LRP1B: variants seen among roughly 807,000 people sequenced by gnomAD.
The protein encoded by LRP1B is LDL receptor related protein 1B, also known as low-density lipoprotein receptor-related protein 1B.
A neutral mutation model predicts 556.6 loss-of-function variants in LRP1B; 217 were observed. The ratio of observed to expected loss-of-function variants is 0.39; its 90% confidence interval spans 0.35 to 0.44. The LOEUF (loss-of-function observed/expected upper bound fraction) is 0.44. LRP1B is among the 20% of genes least tolerant of loss of function. LRP1B has a pLI of 1.00. For synonymous variants in LRP1B, 2,047 were observed against 1,865.8 expected (o/e 1.10, Z -2.50); for missense variants, 5,053 against 5,620.8 (o/e 0.90, Z 3.23).
intron 1 of LRP1B, among the ~76,000 whole-genome samples, chr2:141,918,707 A>G (rs1470569480): frequency 6.6e-6 from 1 of 152,154 alleles, no homozygotes; most frequent in Non-Finnish European, 1.5e-5. Flanking sequence ...TAAAAGGGAA[A>G]GACATGTATT....
At chr2:141,473,872 A>G (rs923299676) in intron 3 of LRP1B, among the ~76,000 whole-genome samples, 7 of 152,158 alleles carry the variant, frequency 4.6e-5, no homozygotes, top group African/African-American at 1.7e-4. Context: ...CTGAAATTCC[A>G]CTCTATAGTA....
At chr2:141,956,809 G>A (rs1701266822) in intron 1 of LRP1B, among the ~76,000 whole-genome samples, 1 of 151,894 alleles carries the variant, frequency 6.6e-6, no homozygotes, top group Non-Finnish European at 1.5e-5. Flanking sequence ...AGTGAAAATA[G>A]GTCAGCCCTC....
intron 20 of LRP1B, among the ~76,000 whole-genome samples, chr2:140,936,181 A>G (rs1382138592): frequency 6.6e-6 from 1 of 151,696 alleles, no homozygotes; most frequent in Non-Finnish European, 1.5e-5. Flanking sequence ...CTCTACTAAA[A>G]ATACAAAATT....
intron 5 of LRP1B, among the ~76,000 whole-genome samples, chr2:141,244,349 C>T (rs1007578541): frequency 4.6e-5 from 7 of 152,160 alleles, no homozygotes; most frequent in African/African-American, 1.7e-4. Flanking sequence ...CTAGGCCATT[C>T]GGGCCTTCCC....
chr2:140,345,879 A>ATATATATATATATAT (rs1426120597), intron 77 of LRP1B, among the ~76,000 whole-genome samples: 2 of 137,430 alleles, frequency 1.5e-5, no homozygotes, highest in Non-Finnish European at 1.6e-5. Flanking sequence ...TATATATATA[A>ATATATATATATATAT]AAAAAATAGC....
At chr2:140,603,150 T>C (rs932125464) in intron 41 of LRP1B, among the ~76,000 whole-genome samples, 1 of 152,068 alleles carries the variant, frequency 6.6e-6, no homozygotes, top group Non-Finnish European at 1.5e-5. Flanking sequence ...TAATATACCA[T>C]AGATAGTCTC....
intron 3 of LRP1B, among the ~76,000 whole-genome samples, chr2:141,314,475 A>T (rs1260644559): frequency 6.6e-6 from 1 of 152,108 alleles, no homozygotes; most frequent in African/African-American, 2.4e-5. Flanking sequence ...TAAAGCAACT[A>T]AACTGAGATT....
chr2:142,088,974 C>CAAAAAAAAAAAA (rs1289382985), intron 1 of LRP1B, among the ~76,000 whole-genome samples: 1 of 39,718 alleles, frequency 2.5e-5, no homozygotes, highest in Non-Finnish European at 4.8e-5. Flanking sequence ...GGCTCCGTCT[C>CAAAAAAAAAAAA]AAAAAAAAAA....
chr2:141,714,647 C>T (rs557083264), intron 2 of LRP1B, among the ~76,000 whole-genome samples: 1 of 152,220 alleles, frequency 6.6e-6, no homozygotes, highest in Admixed American at 6.5e-5. Context: ...TTGCTGTAGG[C>T]AGAGACTGTT....
intron 30 of LRP1B, among the ~76,000 whole-genome samples, chr2:140,840,495 T>C (rs1692067508): frequency 6.6e-6 from 1 of 152,200 alleles, no homozygotes; most frequent in Non-Finnish European, 1.5e-5. Context: ...AAAACATCTC[T>C]TTTAGCTCTA....
chr2:140,393,653 CAATA>C (rs528045484), intron 66 of LRP1B, among the ~76,000 whole-genome samples: 24 of 151,044 alleles, frequency 1.6e-4, no homozygotes, highest in Non-Finnish European at 3.0e-4. Context: ...TGTTGGTTAC[CAATA>C]AATAAATAAA....
At chr2:141,133,805 C>T (rs796657382) in intron 7 of LRP1B, among the ~76,000 whole-genome samples, 3 of 151,896 alleles carry the variant, frequency 2.0e-5, no homozygotes, top group Non-Finnish European at 4.4e-5. Context: ...TTCACCAGAT[C>T]CCATGGCTTC....
chr2:141,830,275 T>C (rs552880262), intron 1 of LRP1B, among the ~76,000 whole-genome samples: 1 of 151,978 alleles, frequency 6.6e-6, no homozygotes, highest in Admixed American at 6.6e-5. Context: ...TATCTAACAT[T>C]TCTGGCAGCC....
At chr2:140,556,404 T>C (rs1483192660) in intron 43 of LRP1B, among the ~76,000 whole-genome samples, 2 of 151,950 alleles carry the variant, frequency 1.3e-5, no homozygotes, top group African/African-American at 2.4e-5. Flanking sequence ...CCTTACTAAG[T>C]TCCCCCCACA....
At position 141,785,589 on chromosome 2, in the gene LRP1B, T is replaced by C. The variant is rs751308542; in HGVS notation, c.205+24690A>G. On this transcript the variant is annotated intron_variant, in intron 2 of 90. Coordinates refer to ENST00000389484, the MANE Select transcript of LRP1B (RefSeq NM_018557.3). ...ATGAAGTATCACTCCATCCTAATGA[T>C]GGCAGTAGTAAAGATGGTCAGAGTG... is the stretch of plus-strand genomic sequence containing the variant. 1.3e-5 allele frequency among the ~76,000 whole-genome samples: 2 copies of C among 151,406 alleles called. 1 individual carries two copies. The highest frequency in any genetic ancestry group is 6.3e-3 in the Middle Eastern group (2 of 316).
At chr2:140,793,069 T>C (rs962211284) in intron 32 of LRP1B, among the ~76,000 whole-genome samples, 1 of 152,014 alleles carries the variant, frequency 6.6e-6, no homozygotes, top group African/African-American at 2.4e-5. Flanking sequence ...AAACCAATGA[T>C]TATAACAAAT....
intron 2 of LRP1B, among the ~76,000 whole-genome samples, chr2:141,511,806 T>C (rs551350161): frequency 7.9e-5 from 12 of 152,320 alleles, no homozygotes; most frequent in African/African-American, 2.9e-4. Context: ...TCTATTTGTG[T>C]TTCAATTTTT....
chr2:140,598,711 A>G lies in LRP1B; in HGVS notation c.7114T>C (p.Tyr2372His), dbSNP rs1044774084. The G allele has an allele frequency of 1.2e-5, 19 of 1,613,668 alleles. No individual in the cohort carries two copies. In the African/African-American group the frequency reaches 2.3e-4, roughly 19 times the overall value. ...GAGAAATACAGCTTCTCTGCACGGT[A>G]GTCGATAGTAAGTCCATTTGGAGTG... The part of the protein sequence containing the change: ...ILTPNGLTID[Y>H]RAEKLYFSDG... Residue 2372 changes from tyrosine to histidine, a missense_variant, in exon 43 of 91, where the codon TAC (tyrosine) becomes CAC (histidine). Transcript: ENST00000389484.
rs1257584758 is a variant in LRP1B at position 140,239,448 on chromosome 2, TTTC to T, written c.13406_13408del (p.Arg4469del). 1 of 1,588,328 alleles carries T rather than the reference TTTC, an allele frequency of 6.3e-7. No individual in the cohort carries two copies. The highest frequency in any genetic ancestry group is 1.7e-5 in the Admixed American group (1 of 58,122). On this transcript the variant is annotated inframe_deletion, in exon 88 of 91. Coordinates refer to ENST00000389484, the MANE Select transcript of LRP1B (RefSeq NM_018557.3). Reference sequence around the variant, plus strand: ...CTAGAACATTGCATCTTACCTTCTTTTTCTTTTACAAAGCACTAAACCAATTAC... The same window carrying T: ...CTAGAACATTGCATCTTACCTTCTTTTTTTACAAAGCACTAAACCAATTAC...
Sources: gnomAD v4.1 joint callset for allele counts (sites outside exome capture counted in the v4.1 genomes callset) on GRCh38, gnomAD v4.1.1 for gene constraint, MANE v1.5 for transcripts, NCBI Gene and HGNC (gene_info 2026-07-23, HGNC 2026-07-21) for gene names.